SLC43A1: variants seen among roughly 807,000 people sequenced by gnomAD.
SLC43A1 encodes solute carrier family 43 member 1, also known as large neutral amino acids transporter small subunit 3.
In SLC43A1, 31 loss-of-function variants were observed where a neutral mutation model predicts 59.5. The ratio of observed to expected loss-of-function variants is 0.52; its 90% CI spans 0.39 to 0.70. SLC43A1 has a LOEUF of 0.70. SLC43A1 is among the 30% of genes least tolerant of loss of function. The pLI is 0.00. For missense variants in SLC43A1, 598 were observed against 717.8 expected (o/e 0.83, Z 1.91); for synonymous variants, 259 against 290.9 (o/e 0.89, Z 1.12).
At chr11:57,505,933 A>G (rs936538430) in intron 2 of SLC43A1, among the ~76,000 whole-genome samples, 6 of 152,204 alleles carry the variant, frequency 3.9e-5, no homozygotes, top group Non-Finnish European at 7.3e-5. Flanking sequence ...ATTGTCACAC[A>G]TACACACACA....
chr11:57,512,110 TA>T (rs1167961220), intron 2 of SLC43A1, among the ~76,000 whole-genome samples: 1 of 152,178 alleles, frequency 6.6e-6, no homozygotes, highest in African/African-American at 2.4e-5. Context: ...TTTACATATT[TA>T]AAAATGCAGG....
intron 2 of SLC43A1, among the ~76,000 whole-genome samples, chr11:57,508,709 A>G (rs1025210583): frequency 6.6e-6 from 1 of 152,162 alleles, no homozygotes. Context: ...TGGGAAGATC[A>G]CGTGAGTCCA....
rs548156024 is a variant in SLC43A1, at chr11:57,500,948, A to G, written c.388+40T>C. 2.5e-6 allele frequency: 4 copies of G among 1,597,334 alleles called. No homozygotes were observed. In the South Asian group the frequency reaches 3.4e-5, roughly 13 times the overall value. On this transcript the variant is annotated intron_variant, in intron 4 of 14. Coordinates refer to ENST00000278426, the MANE Select transcript of SLC43A1 (RefSeq NM_003627.6). Reference sequence around the variant, plus strand: ...GTAAACATCCGCCTTCATCCCACCTATTCTTTTCTTGTGGGGCCACAAGAG... The same window carrying G: ...GTAAACATCCGCCTTCATCCCACCTGTTCTTTTCTTGTGGGGCCACAAGAG...
At position 57,514,122 on chromosome 11, in the gene SLC43A1, A is replaced by T; in HGVS notation, c.-11T>A. Reference sequence around the variant, plus strand: ...CAGCGTGGGGGCCATGCTGGCCCCGAGCCTGCACAGAAACAGAGCGCTGGG... The same window carrying T: ...CAGCGTGGGGGCCATGCTGGCCCCGTGCCTGCACAGAAACAGAGCGCTGGG... On this transcript the variant is annotated splice_region_variant and 5_prime_UTR_variant, in exon 2 of 15. Coordinates refer to ENST00000278426, the MANE Select transcript of SLC43A1 (RefSeq NM_003627.6). The surrounding 1 kb of genome is among the most constrained non-coding windows in gnomAD (Gnocchi z 5.5). The T allele has an allele frequency of 6.3e-7, 1 of 1,580,346 alleles. No homozygotes were observed. Among genetic ancestry groups the T allele is most frequent in the Non-Finnish European group, 8.6e-7 (1 of 1,164,556 alleles).
intron 2 of SLC43A1, among the ~76,000 whole-genome samples, chr11:57,512,347 T>G (rs917745882): frequency 2.6e-5 from 4 of 152,028 alleles, no homozygotes; most frequent in African/African-American, 9.7e-5. Flanking sequence ...ATCCCAGCAC[T>G]GCGGGAGGCC....
chr11:57,495,477 A>G (rs1944050511), intron 7 of SLC43A1, among the ~76,000 whole-genome samples: 1 of 151,918 alleles, frequency 6.6e-6, no homozygotes, highest in African/African-American at 2.4e-5. Flanking sequence ...TAAATAAATA[A>G]ATAAATATTT....
chr11:57,494,194 G>A (rs1944012208), intron 7 of SLC43A1, 23 bp from the exon 8 acceptor site: 1 of 1,599,842 alleles, frequency 6.3e-7, no homozygotes. Context: ...AGGCCAGAGT[G>A]TAGAGGAACC....
intron 8 of SLC43A1, among the ~76,000 whole-genome samples, chr11:57,492,494 T>TATATA (rs1247849783): frequency 9.6e-5 from 12 of 125,040 alleles, no homozygotes; most frequent in African/African-American, 3.5e-4. Flanking sequence ...AATAATATAA[T>TATATA]ATATAATATA....
chr11:57,512,295 GT>G (rs1396605700), intron 2 of SLC43A1, among the ~76,000 whole-genome samples: 1 of 152,106 alleles, frequency 6.6e-6, no homozygotes, highest in Non-Finnish European at 1.5e-5. Flanking sequence ...GCAGGAAGAA[GT>G]TACACAAGGG....
intron 13 of SLC43A1, among the ~76,000 whole-genome samples, chr11:57,487,520 A>G (rs1426680109): frequency 6.6e-6 from 1 of 152,078 alleles, no homozygotes; most frequent in East Asian, 1.9e-4. Context: ...TGTCCACTGT[A>G]TTCTGTCAAC....
chr11:57,499,326 C>CAAAA (rs5792045), intron 5 of SLC43A1, among the ~76,000 whole-genome samples: 4 of 141,750 alleles, frequency 2.8e-5, no homozygotes, highest in Admixed American at 6.9e-5. Flanking sequence ...TCCGTCTCAA[C>CAAAA]AAAAAAAAAA....
chr11:57,493,952 A>G lies in SLC43A1; in HGVS notation c.871+41T>C, dbSNP rs761433989. The G allele has an allele frequency of 5.2e-6, 8 of 1,536,222 alleles. No homozygotes were observed. The South Asian group carries it at 1.0e-4, about 19-fold the overall frequency. The stretch of plus-strand genomic sequence containing the variant: ...TGCTCACTGAATATGAGGACCCACC[A>G]TCACTATCCCCCAAGGCCGGCACCT... On this transcript the variant is annotated intron_variant, in intron 8 of 14. Coordinates refer to ENST00000278426, the MANE Select transcript of SLC43A1 (RefSeq NM_003627.6).
At chr11:57,487,308 C>T in intron 13 of SLC43A1, 90 bp from the exon 14 acceptor site, 1 of 1,505,106 alleles carries the variant, frequency 6.6e-7, no homozygotes, top group Non-Finnish European at 9.0e-7. Context: ...ATGGTCCCCG[C>T]TGGCCAGGCA....
Position 57,484,861 on chromosome 11 carries a change from A to G in SLC43A1, c.*235T>C. 2.4e-6 allele frequency: 1 copy of G among 424,146 alleles called. No homozygotes were observed. Among genetic ancestry groups the G allele is most frequent in the Non-Finnish European group, 4.1e-6 (1 of 241,772 alleles). 26.3% of individuals were successfully genotyped at this position (424,146 alleles called of 1,614,324 possible). ...CCAACCCAAGGAGGAAGAAGGCTCAACCCCTCTAGGATAGGGACTGTCTTC... is the reference window on the plus strand; with the variant it reads ...CCAACCCAAGGAGGAAGAAGGCTCAGCCCCTCTAGGATAGGGACTGTCTTC... On this transcript the variant is annotated 3_prime_UTR_variant, in exon 15 of 15. Transcript: ENST00000278426.
intron 2 of SLC43A1, among the ~76,000 whole-genome samples, chr11:57,509,186 A>T (rs1463394239): frequency 6.6e-6 from 1 of 152,170 alleles, no homozygotes; most frequent in Non-Finnish European, 1.5e-5. Context: ...ATTTAGAAGC[A>T]TACCCACTTC....
intron 14 of SLC43A1, 58 bp from the exon 15 acceptor site, chr11:57,485,300 C>A: frequency 6.5e-7 from 1 of 1,527,742 alleles, no homozygotes. Context: ...CCTTAGCCTC[C>A]CACAGGGAGG....
intron 5 of SLC43A1, among the ~76,000 whole-genome samples, chr11:57,498,545 A>G (rs1243698649): frequency 2.0e-5 from 3 of 152,206 alleles, no homozygotes; most frequent in Non-Finnish European, 4.4e-5. Context: ...ACTCAAGTTC[A>G]CAGAGCACAT....
At chr11:57,509,517 G>A (rs1035595642) in intron 2 of SLC43A1, among the ~76,000 whole-genome samples, 1 of 151,734 alleles carries the variant, frequency 6.6e-6, no homozygotes, top group Non-Finnish European at 1.5e-5. Flanking sequence ...GAACCCAGGA[G>A]GCAGAGGTTG....
intron 2 of SLC43A1, among the ~76,000 whole-genome samples, chr11:57,507,233 C>T (rs1944413766): frequency 6.6e-6 from 1 of 152,142 alleles, no homozygotes; most frequent in South Asian, 2.1e-4. Context: ...TTTAGGAGGC[C>T]AAGAAAGGGG....
Sources: gnomAD v4.1 joint callset for allele counts (sites outside exome capture counted in the v4.1 genomes callset) on GRCh38, gnomAD v4.1.1 for gene constraint, Gnocchi (gnomAD v3.1) non-coding constraint, MANE v1.5 for transcripts, NCBI Gene and HGNC (gene_info 2026-07-23, HGNC 2026-07-21) for gene names.